Variants in OPCML observed in about 807,000 individuals in gnomAD.
OPCML encodes the protein opioid binding protein/cell adhesion molecule like, also known as opioid-binding protein/cell adhesion molecule.
OPCML carries 13 observed loss-of-function variants against 37.8 expected under a neutral mutation model. The ratio of observed to expected loss-of-function variants is 0.34; its 90% CI spans 0.22 to 0.55. OPCML has a LOEUF of 0.55. Ranked by LOEUF, OPCML falls within the 20% of genes least tolerant of loss-of-function variation. The pLI is 0.91. For missense variants in OPCML, 341 were observed against 435.6 expected, an observed-to-expected ratio of 0.78 and a Z score of 1.93; for synonymous variants, 176 against 168.8, an observed-to-expected ratio of 1.04 and a Z score of -0.33.
intron 1 of OPCML, chr11:133,297,555 G>A (rs1942661449): frequency 6.6e-6 from 1 of 152,208 alleles, no homozygotes; most frequent in African/African-American, 2.4e-5. Context: ...TAATGATTAT[G>A]GAGGTTCTGT....
rs144042910 is a variant in OPCML, at chr11:132,697,805, G to A, written c.147-40486C>T. Among the ~76,000 whole-genome samples the A allele has an allele frequency of 8.5e-4, 129 of 151,862 alleles. No homozygotes were observed. The East Asian group carries it at 0.013, about 15-fold the overall frequency. On this transcript the variant is annotated intron_variant, in intron 2 of 7. Coordinates refer to ENST00000524381, the MANE Select transcript of OPCML (RefSeq NM_001012393.5). The stretch of plus-strand genomic sequence containing the variant: ...TTGAGACAAGGCCTCTCTCTCTGTT[G>A]CCCAGGCTGGAGTGCAGTGGTGTAA...
chr11:132,418,308 C>T lies in OPCML; in HGVS notation c.*1885G>A, dbSNP rs1023794619. 1 of 152,194 alleles carries T rather than the reference C, an allele frequency of 6.6e-6. No homozygotes were observed. The highest frequency in any genetic ancestry group is 1.5e-5 in the Non-Finnish European group (1 of 68,036). The allele number at this position is 152,194 out of a possible 1,614,324, so 9.4% of individuals were successfully genotyped here. The stretch of plus-strand genomic sequence containing the variant: ...TCTGTGGATCAGTCCCTGCAGCACA[C>T]CTGTGCGGTCTGCAATGCCTTTATT... On this transcript the variant is annotated 3_prime_UTR_variant, in exon 8 of 8. Transcript: ENST00000524381.
At chr11:133,191,131 C>T (rs75270645) in intron 1 of OPCML, among the ~76,000 whole-genome samples, 1,859 of 152,092 alleles carry the variant, frequency 0.012, 35 homozygotes, top group African/African-American at 0.042. Context: ...TTCTCTACAT[C>T]CTCATGAATA....
intron 3 of OPCML, among the ~76,000 whole-genome samples, chr11:132,598,537 T>A (rs956873498): frequency 6.6e-6 from 1 of 152,164 alleles, no homozygotes; most frequent in Non-Finnish European, 1.5e-5. Context: ...CAAAAATCTA[T>A]CATTTTAGTT....
chr11:132,950,580 A>G (rs2136695927), intron 1 of OPCML, among the ~76,000 whole-genome samples: 1 of 152,210 alleles, frequency 6.6e-6, no homozygotes, highest in East Asian at 1.9e-4. Flanking sequence ...GAAGCTTAGC[A>G]TGGAGGACTG....
chr11:133,336,317 C>T (rs1340166019), intron 1 of OPCML, among the ~76,000 whole-genome samples: 1 of 151,592 alleles, frequency 6.6e-6, no homozygotes, highest in African/African-American at 2.4e-5. Context: ...TTTAGGAAAA[C>T]ACTTTAGCCT....
intron 1 of OPCML, among the ~76,000 whole-genome samples, chr11:133,063,564 G>T (rs2136993996): frequency 8.1e-6 from 1 of 123,982 alleles, no homozygotes; most frequent in Admixed American, 8.6e-5. Context: ...TTACAGAGCT[G>T]TTGGTTTTTT....
chr11:133,300,662 G>A (rs1942754446), intron 1 of OPCML: 4 of 152,222 alleles, frequency 2.6e-5, no homozygotes, highest in South Asian at 2.1e-4. Context: ...TGTAAACATC[G>A]TTTTGTATGA....
intron 1 of OPCML, among the ~76,000 whole-genome samples, chr11:133,043,702 T>G (rs1311881826): frequency 6.6e-6 from 1 of 152,166 alleles, no homozygotes; most frequent in Admixed American, 6.5e-5. Context: ...TTGTGAGTGA[T>G]TGCGTGCGGT....
intron 1 of OPCML, among the ~76,000 whole-genome samples, chr11:133,084,353 G>T (rs1948787100): frequency 6.6e-6 from 1 of 152,114 alleles, no homozygotes; most frequent in Admixed American, 6.5e-5. Flanking sequence ...GTTTTAAGAA[G>T]GCTAATTAAC....
chr11:133,284,355 G>A (rs1225904615), intron 1 of OPCML, among the ~76,000 whole-genome samples: 2 of 152,230 alleles, frequency 1.3e-5, no homozygotes, highest in Non-Finnish European at 2.9e-5. Context: ...GCAGGTCTTG[G>A]CAGCGGACAC....
intron 1 of OPCML, among the ~76,000 whole-genome samples, chr11:133,238,116 C>G (rs1194222038): frequency 6.6e-6 from 1 of 152,168 alleles, no homozygotes; most frequent in Non-Finnish European, 1.5e-5. Context: ...GAATCAGTAT[C>G]AATTTTAAGT....
chr11:132,974,239 C>T (rs2136764790), intron 1 of OPCML, among the ~76,000 whole-genome samples: 1 of 152,326 alleles, frequency 6.6e-6, no homozygotes, highest in African/African-American at 2.4e-5. Flanking sequence ...GGTCCTTCAT[C>T]TTCCAGCTAC....
intron 1 of OPCML, among the ~76,000 whole-genome samples, chr11:133,042,959 G>A (rs150000852): frequency 1.1e-3 from 164 of 152,148 alleles, no homozygotes; most frequent in African/African-American, 3.4e-3. Context: ...GGTCTCTCAC[G>A]TACAGTTCCA....
intron 2 of OPCML, among the ~76,000 whole-genome samples, chr11:132,911,310 T>C (rs1944420919): frequency 6.6e-6 from 1 of 152,210 alleles, no homozygotes; most frequent in Non-Finnish European, 1.5e-5. Flanking sequence ...AACTGCCAAA[T>C]AACCAGTAGA....
At chr11:132,662,642 T>C (rs1942033666) in intron 2 of OPCML, among the ~76,000 whole-genome samples, 1 of 152,214 alleles carries the variant, frequency 6.6e-6, no homozygotes, top group Admixed American at 6.5e-5. Context: ...GGAGAGTGTA[T>C]CATGGGAACT....
At chr11:133,371,722 T>G (rs1944679385) in intron 1 of OPCML, among the ~76,000 whole-genome samples, 1 of 152,208 alleles carries the variant, frequency 6.6e-6, no homozygotes, top group Admixed American at 6.5e-5. Flanking sequence ...CCTCTTTTGT[T>G]TATAGATTAC....
chr11:133,026,016 T>C (rs1010355111), intron 1 of OPCML: 2 of 977,728 alleles, frequency 2.0e-6, no homozygotes, highest in African/African-American at 3.5e-5. Flanking sequence ...ATTACAGACA[T>C]GAGCCACCAC....
intron 2 of OPCML, among the ~76,000 whole-genome samples, chr11:132,705,685 C>T (rs1332627708): frequency 1.3e-5 from 2 of 152,284 alleles, no homozygotes; most frequent in East Asian, 1.9e-4. Flanking sequence ...CCCACTTGAC[C>T]TTTCATCACG....
Sources: allele counts gnomAD v4.1 joint callset (sites outside exome capture counted in the v4.1 genomes callset), GRCh38; gene constraint gnomAD v4.1.1; transcripts MANE v1.5; gene names NCBI Gene and HGNC (gene_info 2026-07-23, HGNC 2026-07-21).